AMBRA1: variants seen among roughly 807,000 people sequenced by gnomAD.
The protein encoded by AMBRA1 is activating molecule in BECN1-regulated autophagy protein 1.
In AMBRA1, 47 loss-of-function variants were observed where a neutral mutation model predicts 125.4. The ratio of observed to expected loss-of-function variants is 0.37; its 90% CI spans 0.30 to 0.48. AMBRA1 has a LOEUF of 0.48. AMBRA1 is among the 20% of genes least tolerant of loss of function. The pLI is 0.99. For missense variants in AMBRA1, 1,331 were observed against 1,693.4 expected, an observed-to-expected ratio of 0.79 and a Z score of 3.76; for synonymous variants, 626 against 655.5, an observed-to-expected ratio of 0.95 and a Z score of 0.69.
chr11:46,584,048 A>C (rs1481842928), intron 1 of AMBRA1, among the ~76,000 whole-genome samples: 1 of 146,242 alleles, frequency 6.8e-6, no homozygotes, highest in South Asian at 2.3e-4. Context: ...ACTATAAATC[A>C]TGCTGCTATA....
intron 1 of AMBRA1, among the ~76,000 whole-genome samples, chr11:46,591,594 T>C (rs893499424): frequency 2.0e-5 from 3 of 152,080 alleles, no homozygotes; most frequent in Admixed American, 6.6e-5. Flanking sequence ...CGGTGGCTCA[T>C]ACCTGTAATC....
At chr11:46,576,039 C>A (rs985044601) in intron 1 of AMBRA1, among the ~76,000 whole-genome samples, 3 of 152,186 alleles carry the variant, frequency 2.0e-5, no homozygotes, top group African/African-American at 7.2e-5. Flanking sequence ...ACTCTCAAAT[C>A]ACACACTCTA....
intron 11 of AMBRA1, among the ~76,000 whole-genome samples, chr11:46,457,103 A>C (rs1948882367): frequency 6.6e-6 from 1 of 152,246 alleles, no homozygotes; most frequent in African/African-American, 2.4e-5. Flanking sequence ...TGTACATTTC[A>C]GGGTACAGCA....
rs1338965794 is a variant in AMBRA1, at chr11:46,543,191, G to A, written c.826C>T (p.Gln276Ter). 1 of 1,584,428 alleles carries A rather than the reference G, an allele frequency of 6.3e-7. No individual in the cohort carries two copies. The highest frequency in any genetic ancestry group is 8.6e-7 in the Non-Finnish European group (1 of 1,166,130). ...GTCCTGGGGCGCTCCGTGGAGGGCT[G>A]AGGGGGAGGCGGTGGGGGTGAGGGG... ...ATPSPPPPPP[Q>*]PSTERPRTSA... Residue 276 changes from glutamine (Q) to a stop codon, truncating the protein, a stop_gained, in exon 7 of 18, where the codon CAG becomes TAG. Coordinates refer to ENST00000683756, the MANE Select transcript of AMBRA1 (RefSeq NM_001387011.1). LOFTEE classifies it high-confidence loss of function.
At chr11:46,426,443 A>G (rs754893789) in intron 14 of AMBRA1, among the ~76,000 whole-genome samples, 2 of 152,212 alleles carry the variant, frequency 1.3e-5, no homozygotes, top group South Asian at 2.1e-4. Context: ...CAGGGGCTCA[A>G]TAAAGTTTTT....
chr11:46,581,304 C>T (rs1201202632), intron 1 of AMBRA1, among the ~76,000 whole-genome samples: 2 of 151,856 alleles, frequency 1.3e-5, no homozygotes, highest in East Asian at 1.9e-4. Context: ...GAAACCCTGT[C>T]GCTACTAAAA....
rs762580043 is a variant in AMBRA1, at chr11:46,542,017, G to C, written c.2000C>G (p.Ser667Cys). Reference sequence around the variant, plus strand: ...TAAGGCCTCCTGTGACACAGTTCCAGATCTGCTGGACTGGGTGTAAATTCT... The same window carrying C: ...TAAGGCCTCCTGTGACACAGTTCCACATCTGCTGGACTGGGTGTAAATTCT... ...WERIYTQSSR[S>C]GTVSQEALHQ... Residue 667 changes from serine to cysteine, a missense_variant, in exon 7 of 18, where the codon TCT (serine) becomes TGT (cysteine). Ser to Cys is a moderately radical substitution (Grantham distance 112, BLOSUM62 -1). Coordinates refer to ENST00000683756, the MANE Select transcript of AMBRA1 (RefSeq NM_001387011.1). This position sits in a 1 kb window ranked among gnomAD's most constrained non-coding sequence, Gnocchi z 5.9. 12 of 1,613,984 alleles carry C rather than the reference G, an allele frequency of 7.4e-6. No homozygotes were observed. Among genetic ancestry groups the C allele is most frequent in the Non-Finnish European group, 9.3e-6 (11 of 1,179,998 alleles).
At chr11:46,398,153 G>A (rs1945547640) in intron 17 of AMBRA1, among the ~76,000 whole-genome samples, 2 of 152,230 alleles carry the variant, frequency 1.3e-5, no homozygotes, top group South Asian at 2.1e-4. Flanking sequence ...TTTACTGGTG[G>A]GGAAACTGAG....
chr11:46,588,214 C>T (rs1363428764), intron 1 of AMBRA1, among the ~76,000 whole-genome samples: 1 of 152,002 alleles, frequency 6.6e-6, no homozygotes, highest in Non-Finnish European at 1.5e-5. Context: ...TGTCTGTAAT[C>T]CCAGCTACTC....
intron 11 of AMBRA1, among the ~76,000 whole-genome samples, chr11:46,465,979 G>T (rs1387292476): frequency 6.6e-6 from 1 of 152,208 alleles, no homozygotes; most frequent in Admixed American, 6.5e-5. Flanking sequence ...TTGGGATCTA[G>T]ACTAAAGTAC....
chr11:46,525,718 T>C (rs959363115), intron 7 of AMBRA1, among the ~76,000 whole-genome samples: 2 of 151,548 alleles, frequency 1.3e-5, no homozygotes, highest in Admixed American at 1.3e-4. Flanking sequence ...GCCACTGCAC[T>C]CCAGCCTGGG....
chr11:46,542,009 C>A lies in AMBRA1; in HGVS notation c.2008G>T (p.Val670Leu), dbSNP rs1164054181. 2.5e-6 allele frequency: 4 copies of A among 1,614,066 alleles called. No homozygotes were observed. In the East Asian group the frequency reaches 8.9e-5, roughly 36 times the overall value. The part of the protein sequence containing the change: ...IYTQSSRSGT[V>L]SQEALHQDMP... The stretch of plus-strand genomic sequence containing the variant: ...TCCTGATGTAAGGCCTCCTGTGACA[C>A]AGTTCCAGATCTGCTGGACTGGGTG... The change falls in exon 7 of 18, where the codon GTG becomes TTG. Residue 670 changes from valine (V) to leucine (L), a missense_variant. Transcript: ENST00000683756. This position sits in a 1 kb window ranked among gnomAD's most constrained non-coding sequence, Gnocchi z 5.9.
chr11:46,400,395 G>T (rs543593978), intron 17 of AMBRA1, among the ~76,000 whole-genome samples: 45 of 150,262 alleles, frequency 3.0e-4, no homozygotes, highest in Admixed American at 1.3e-3. Flanking sequence ...TCACAGCTTG[G>T]TGGCATCTAA....
intron 1 of AMBRA1, among the ~76,000 whole-genome samples, chr11:46,592,924 G>A (rs556656004): frequency 6.6e-6 from 1 of 152,174 alleles, no homozygotes; most frequent in East Asian, 1.9e-4. Flanking sequence ...CAAAGAGGCT[G>A]GGGAGAAGGA....
At chr11:46,578,882 CAAAAAAAAAAAAA>C (rs71042607) in intron 1 of AMBRA1, among the ~76,000 whole-genome samples, 4 of 24,480 alleles carry the variant, frequency 1.6e-4, no homozygotes, top group African/African-American at 4.1e-4. Context: ...GACTCAGTCT[CAAAAAAAAAAAAA>C]AAAAAAAAAA....
chr11:46,569,481 T>C (rs553764208), intron 1 of AMBRA1, among the ~76,000 whole-genome samples: 1 of 146,420 alleles, frequency 6.8e-6, no homozygotes, highest in Non-Finnish European at 1.5e-5. Context: ...CCAAGCAAGA[T>C]GGCAGGTACA....
rs565538411 is a variant in AMBRA1, at chr11:46,566,971, G to A, written c.-120-18471C>T. The stretch of plus-strand genomic sequence containing the variant: ...GCGGAGGGTGCAGTGATCAGAGATC[G>A]CACCACTGCACTCTGGCATGGGCAA... On this transcript the variant is annotated intron_variant, in intron 1 of 17. Coordinates refer to ENST00000683756, the MANE Select transcript of AMBRA1 (RefSeq NM_001387011.1). Among the ~76,000 whole-genome samples, 28 of 152,212 alleles carry A rather than the reference G, an allele frequency of 1.8e-4. 1 individual carries two copies. The highest frequency in any genetic ancestry group is 1.7e-3 in the Admixed American group (26 of 15,286).
In AMBRA1 at chr11:46,508,047, C is replaced by T. The variant is rs1951124083; in HGVS notation, c.2339+144G>A. ...TGCTCTGGGCATCTTAACCCTCTGT[C>T]CCTCACCCCATCCTGCTACTCATAA... is the stretch of plus-strand genomic sequence containing the variant. On this transcript the variant is annotated intron_variant, in intron 9 of 17. Transcript: ENST00000683756. 7 of 878,006 alleles carry T rather than the reference C, an allele frequency of 8.0e-6. No homozygotes were observed. The South Asian group carries it at 1.2e-4, about 15-fold the overall frequency. 54.4% of individuals were successfully genotyped at this position (878,006 alleles called of 1,614,324 possible).
intron 11 of AMBRA1, among the ~76,000 whole-genome samples, chr11:46,490,515 T>C (rs1032506097): frequency 1.3e-5 from 2 of 152,212 alleles, no homozygotes; most frequent in African/African-American, 2.4e-5. Flanking sequence ...TGGGAGGAAG[T>C]AGAACGGATC....
Sources: allele counts gnomAD v4.1 joint callset (sites outside exome capture counted in the v4.1 genomes callset), GRCh38; gene constraint gnomAD v4.1.1; non-coding constraint Gnocchi (gnomAD v3.1); transcripts MANE v1.5; gene names NCBI Gene and HGNC (gene_info 2026-07-23, HGNC 2026-07-21).